LRRC53: variants seen among roughly 807,000 people sequenced by gnomAD.
LRRC53 encodes leucine rich repeat containing 53.
In LRRC53, 25 loss-of-function variants were observed where a neutral mutation model predicts 13.6. The ratio of observed to expected loss-of-function variants is 1.83; its 90% CI spans 1.34 to 2.56. The LOEUF (loss-of-function observed/expected upper bound fraction) is 2.56, where lower values mean the gene tolerates loss of function less well. LRRC53 is among the 30% of genes most tolerant of loss of function. The pLI is 0.00. For missense variants in LRRC53, 527 were observed against 275.8 expected, an observed-to-expected ratio of 1.91 and a Z score of -6.45; for synonymous variants, 204 against 109.8, an observed-to-expected ratio of 1.86 and a Z score of -5.37.
At chr1:74,519,012 C>A in the LRRC53 span, among the ~76,000 whole-genome samples, 2 of 115,170 alleles carry the variant, frequency 1.7e-5, no homozygotes, top group African/African-American at 8.6e-5. Flanking sequence ...AGGTATATCT[C>A]CCAATGCTAT....
chr1:74,490,510 A>G (rs772601591), intron 1 of LRRC53, among the ~76,000 whole-genome samples: 1 of 152,202 alleles, frequency 6.6e-6, no homozygotes, highest in Non-Finnish European at 1.5e-5. Flanking sequence ...CTACTAAACT[A>G]GCTTGTCTTA....
At chr1:74,497,840 TC>T (rs1669408771) in intron 1 of LRRC53, among the ~76,000 whole-genome samples, 1 of 152,182 alleles carries the variant, frequency 6.6e-6, no homozygotes, top group African/African-American at 2.4e-5. Context: ...TTAAGTGAAT[TC>T]CGGAGTCCAA....
intron 1 of LRRC53, among the ~76,000 whole-genome samples, chr1:74,489,517 G>A (rs1668942143): frequency 6.6e-6 from 1 of 152,102 alleles, no homozygotes; most frequent in Non-Finnish European, 1.5e-5. Context: ...AAATTGATAA[G>A]TAAAAATTGG....
the LRRC53 span, among the ~76,000 whole-genome samples, chr1:74,520,486 T>C: frequency 8.6e-5 from 13 of 151,984 alleles, no homozygotes; most frequent in Non-Finnish European, 1.6e-4. Context: ...CATCCATCCA[T>C]CTGTTTCCCT....
intron 1 of LRRC53, among the ~76,000 whole-genome samples, chr1:74,490,333 C>T (rs1669002188): frequency 6.6e-6 from 1 of 152,176 alleles, no homozygotes; most frequent in African/African-American, 2.4e-5. Context: ...CTGCCAGAAG[C>T]CTTGGGTATT....
intron 4 of LRRC53, 112 bp from the exon 5 acceptor site, chr1:74,472,313 C>T (rs2100740377): frequency 1.7e-6 from 1 of 604,054 alleles, no homozygotes; most frequent in East Asian, 2.8e-5. Flanking sequence ...CTGATAATTG[C>T]AGTTCTTCAC....
chr1:74,488,729 G>A lies in LRRC53; in HGVS notation c.-26-5354C>T, dbSNP rs1448770433. ...ACCCTAAAGTAAGGCATAGTCCTGA[G>A]GTTTCTATCATCATCTTAGTTTTGA... On this transcript the variant is annotated intron_variant, in intron 1 of 4. Coordinates refer to ENST00000294635, the MANE Select transcript of LRRC53 (RefSeq NM_001382280.1). 2.0e-5 allele frequency among the ~76,000 whole-genome samples: 3 copies of A among 152,090 alleles called. No individual in the cohort carries two copies. The East Asian group carries it at 5.8e-4, about 29-fold the overall frequency.
chr1:74,517,112 T>A (rs572694181), upstream of LRRC53, among the ~76,000 whole-genome samples: 1 of 152,314 alleles, frequency 6.6e-6, no homozygotes, highest in Non-Finnish European at 1.5e-5. Context: ...TAGATGCTGT[T>A]CATTATTATG....
At chr1:74,510,896 T>C (rs1339520831) in intron 1 of LRRC53, among the ~76,000 whole-genome samples, 1 of 152,230 alleles carries the variant, frequency 6.6e-6, no homozygotes, top group Admixed American at 6.5e-5. Context: ...TATGCTTTTT[T>C]TCTTTTTTGA....
the LRRC53 span, among the ~76,000 whole-genome samples, chr1:74,529,333 C>A: frequency 6.6e-6 from 1 of 152,146 alleles, no homozygotes. Flanking sequence ...TCCAAAGATG[C>A]ATAATTTGAA....
chr1:74,494,762 G>T (rs1398816499), intron 1 of LRRC53, among the ~76,000 whole-genome samples: 1 of 152,190 alleles, frequency 6.6e-6, no homozygotes, highest in East Asian at 1.9e-4. Flanking sequence ...AATCTCACAT[G>T]TAAAATACTG....
At chr1:74,531,844 C>A in the LRRC53 span, among the ~76,000 whole-genome samples, 5 of 152,164 alleles carry the variant, frequency 3.3e-5, no homozygotes, top group Admixed American at 3.3e-4. Flanking sequence ...CTAATATTAT[C>A]ACATAGGTAA....
Position 74,470,236 on chromosome 1 carries a change from G to A in LRRC53, c.3386C>T (p.Ala1129Val). 2.5e-6 allele frequency: 1 copy of A among 400,664 alleles called. No homozygotes were observed. Among genetic ancestry groups the A allele is most frequent in the Admixed American group, 4.4e-5 (1 of 22,732 alleles). The allele number at this position is 400,664 out of a possible 1,614,324, so 24.8% of individuals were successfully genotyped here. A position where few individuals can be genotyped will look rare whatever the true frequency, so the allele number is the denominator to read the frequency against. ...TGTAATGGTCTCCTCGGCAGAGCTT[G>A]CATCATGTAATATATATTTTTCACT... is the stretch of plus-strand genomic sequence containing the variant. ...GTSEKYILHD[A>V]SSAEETITAK... Residue 1129 changes from alanine (A) to valine (V), a missense_variant, in exon 5 of 5, where the codon GCA (alanine) becomes GTA (valine). Physicochemically the swap from Ala to Val is moderately conservative, Grantham distance 64. Transcript: ENST00000294635.
chr1:74,516,477 T>G (rs927978505), upstream of LRRC53, among the ~76,000 whole-genome samples: 3 of 152,170 alleles, frequency 2.0e-5, no homozygotes, highest in African/African-American at 7.2e-5. Context: ...CCTTTTACTG[T>G]GGGGCTTAGT....
At chr1:74,510,381 G>A (rs1275535490) in intron 1 of LRRC53, among the ~76,000 whole-genome samples, 3 of 152,066 alleles carry the variant, frequency 2.0e-5, no homozygotes, top group Non-Finnish European at 2.9e-5. Context: ...GGTGCCTGGC[G>A]CCTGTAGTCC....
chr1:74,470,167 C>G lies in LRRC53; in HGVS notation c.3455G>C (p.Arg1152Thr). ...AGGATCTACTTCACTGCAAAGTATTCTATTTTGGGTTTCATGGGAACTTGT... is the reference window on the plus strand; with the variant it reads ...AGGATCTACTTCACTGCAAAGTATTGTATTTTGGGTTTCATGGGAACTTGT... ...SITSSHETQN[R>T]ILCSEVDPEV... Residue 1152 changes from arginine to threonine, a missense_variant, in exon 5 of 5, where the codon AGA (arginine) becomes ACA (threonine). Arg to Thr is a moderately conservative substitution (Grantham distance 71). Coordinates refer to ENST00000294635, the MANE Select transcript of LRRC53 (RefSeq NM_001382280.1). 1 of 400,656 alleles carries G rather than the reference C, an allele frequency of 2.5e-6. No homozygotes were observed. The highest frequency in any genetic ancestry group is 4.4e-6 in the Non-Finnish European group (1 of 226,176). 24.8% of individuals were successfully genotyped at this position (400,656 alleles called of 1,614,324 possible). A position where few individuals can be genotyped will look rare whatever the true frequency, so the allele number is the denominator to read the frequency against.
At chr1:74,511,286 G>A (rs577478862) in intron 1 of LRRC53, among the ~76,000 whole-genome samples, 34 of 151,602 alleles carry the variant, frequency 2.2e-4, no homozygotes, top group African/African-American at 6.3e-4. Context: ...TCTGCCTCCC[G>A]GGTTCAAGCA....
At chr1:74,524,326 A>G in the LRRC53 span, among the ~76,000 whole-genome samples, 1 of 152,208 alleles carries the variant, frequency 6.6e-6, no homozygotes, top group African/African-American at 2.4e-5. Flanking sequence ...GGCCTGCCAG[A>G]AACAGAGGGG....
At chr1:74,478,730 C>G (rs1668329076) in intron 3 of LRRC53, among the ~76,000 whole-genome samples, 1 of 152,162 alleles carries the variant, frequency 6.6e-6, no homozygotes, top group Admixed American at 6.5e-5. Flanking sequence ...TATGTGAACC[C>G]CACCATCTAT....
Sources: gnomAD v4.1 joint callset for allele counts (sites outside exome capture counted in the v4.1 genomes callset) on GRCh38, gnomAD v4.1.1 for gene constraint, MANE v1.5 for transcripts, NCBI Gene and HGNC (gene_info 2026-07-23, HGNC 2026-07-21) for gene names.